PTPRH: variants seen among roughly 807,000 people sequenced by gnomAD.
PTPRH encodes the protein receptor-type tyrosine-protein phosphatase H.
Under a neutral mutation model 130.2 loss-of-function variants are expected in PTPRH, and 113 were observed. The ratio of observed to expected loss-of-function variants is 0.87; its 90% CI spans 0.75 to 1.01. The LOEUF (loss-of-function observed/expected upper bound fraction) is 1.01, where lower values mean the gene tolerates loss of function less well. PTPRH is among the 50% of genes least tolerant of loss of function. PTPRH has a pLI of 0.00. For missense variants in PTPRH, 1,430 were observed against 1,425.0 expected, an observed-to-expected ratio of 1.00 and a Z score of -0.06; for synonymous variants, 556 against 577.9, an observed-to-expected ratio of 0.96 and a Z score of 0.54.
intron 10 of PTPRH, among the ~76,000 whole-genome samples, chr19:55,193,838 C>CT (rs77529845): frequency 2.7e-3 from 392 of 145,850 alleles, no homozygotes; most frequent in Non-Finnish European, 4.5e-3. Flanking sequence ...CTGGTGGTGT[C>CT]TTTTTTTTTT....
intron 5 of PTPRH, 33 bp downstream of exon 5, chr19:55,203,749 A>G (rs570471863): frequency 8.4e-5 from 132 of 1,578,256 alleles, no homozygotes; most frequent in Non-Finnish European, 1.1e-4. Context: ...TCCTTATAAA[A>G]GAAATAAAAA....
At chr19:55,198,182 C>T (rs1243536979) in intron 8 of PTPRH, among the ~76,000 whole-genome samples, 1 of 152,184 alleles carries the variant, frequency 6.6e-6, no homozygotes, top group East Asian at 1.9e-4. Context: ...CACTACTGCA[C>T]TCCAGCCTGG....
chr19:55,192,621 G>A lies in PTPRH; in HGVS notation c.2258-880C>T, dbSNP rs373288170. 5.3e-5 allele frequency among the ~76,000 whole-genome samples: 8 copies of A among 150,226 alleles called. No individual in the cohort carries two copies. The South Asian group carries it at 1.3e-3, about 24-fold the overall frequency. The stretch of plus-strand genomic sequence containing the variant: ...GGCTGCAGTGCAGTGGTGCGACCTC[G>A]GCTCACTGCAACCTCTGCCTCCCGG... On this transcript the variant is annotated intron_variant, in intron 10 of 19. Coordinates refer to ENST00000376350, the MANE Select transcript of PTPRH (RefSeq NM_002842.5).
intron 5 of PTPRH, among the ~76,000 whole-genome samples, chr19:55,202,789 A>C (rs916204620): frequency 1.3e-5 from 2 of 152,206 alleles, no homozygotes; most frequent in African/African-American, 4.8e-5. Flanking sequence ...CTGTAATCCC[A>C]GCACTTTGGG....
chr19:55,203,725 A>G (rs1600072583), intron 5 of PTPRH, 57 bp downstream of exon 5: 1 of 1,520,906 alleles, frequency 6.6e-7, no homozygotes, highest in Admixed American at 2.0e-5. Context: ...GCTCCCAACC[A>G]CCCCCTACCA....
At chr19:55,205,231 G>A in intron 4 of PTPRH, 95 bp downstream of exon 4, 1 of 1,556,652 alleles carries the variant, frequency 6.4e-7, no homozygotes, top group African/African-American at 1.4e-5. Context: ...GGCTCAATGT[G>A]GCCCAGAGGG....
chr19:55,196,973 T>A, intron 9 of PTPRH, 144 bp downstream of exon 9: 1 of 1,198,034 alleles, frequency 8.3e-7, no homozygotes, highest in East Asian at 2.5e-5. Flanking sequence ...ACAACTCCCA[T>A]GAGGCCTTGG....
Position 55,203,941 on chromosome 19 carries a change from C to T in PTPRH, c.727G>A (p.Val243Ile), listed in dbSNP as rs45535035. The change falls in exon 5 of 20, where the codon GTT becomes ATT. Residue 243 changes from valine (V) to isoleucine (I), a missense_variant. Physicochemically the swap from Val to Ile is conservative, Grantham distance 29 (BLOSUM62 3). Transcript: ENST00000376350. ...CTGCCACCATCTCCAGTGCACTGAA[C>T]GCAGTAGGTCGAGTTCTGTGGGTCT... is the stretch of plus-strand genomic sequence containing the variant. ...GTDPQNSTYC[V>I]QCTGDGGRTE... 265,474 of 1,613,710 alleles carry T rather than the reference C, an allele frequency of 0.16. 22,814 individuals are homozygous for T. The highest frequency in any genetic ancestry group is 0.18 in the Non-Finnish European group (209,782 of 1,179,738).
At chr19:55,203,637 G>T in intron 5 of PTPRH, 145 bp downstream of exon 5, 3 of 977,434 alleles carry the variant, frequency 3.1e-6, no homozygotes, top group Non-Finnish European at 4.3e-6. Context: ...TTTTTATGTG[G>T]CTGATAGAAA....
At chr19:55,195,062 T>A (rs939831894) in intron 10 of PTPRH, among the ~76,000 whole-genome samples, 1 of 152,120 alleles carries the variant, frequency 6.6e-6, no homozygotes, top group African/African-American at 2.4e-5. Context: ...TGGTGGCTCA[T>A]GCCTGTAATC....
intron 17 of PTPRH, 76 bp from the exon 18 acceptor site, chr19:55,185,738 C>G: frequency 1.9e-6 from 3 of 1,594,928 alleles, no homozygotes; most frequent in Non-Finnish European, 2.6e-6. Context: ...GGAGCGGGTT[C>G]CCTGGGGCAC....
chr19:55,191,761 G>A lies in PTPRH; in HGVS notation c.2258-20C>T, dbSNP rs370166187. Reference sequence around the variant, plus strand: ...TGACCCCTGTGGGGAGGAGGCATCGGGAACCCTCAGAGCGCAGGTCTGAGC... The same window carrying A: ...TGACCCCTGTGGGGAGGAGGCATCGAGAACCCTCAGAGCGCAGGTCTGAGC... On this transcript the variant is annotated intron_variant, in intron 10 of 19. Coordinates refer to ENST00000376350, the MANE Select transcript of PTPRH (RefSeq NM_002842.5). 112 of 1,601,688 alleles carry A rather than the reference G, an allele frequency of 7.0e-5. 1 individual carries two copies. In the African/African-American group the frequency reaches 1.2e-3, roughly 17 times the overall value.
At chr19:55,201,924 C>T (rs942729264) in intron 6 of PTPRH, 132 bp downstream of exon 6, 24 of 1,388,006 alleles carry the variant, frequency 1.7e-5, no homozygotes, top group African/African-American at 5.8e-5. Context: ...GCTGAGACTG[C>T]CCCAGGATGT....
chr19:55,183,726 C>G (rs2086242068), intron 18 of PTPRH, among the ~76,000 whole-genome samples: 2 of 150,074 alleles, frequency 1.3e-5, no homozygotes, highest in South Asian at 4.2e-4. Flanking sequence ...TCTGTCTCCA[C>G]AAAAAAAAAT....
rs2087005360 is a variant in PTPRH at position 55,205,195 on chromosome 19, G to C, written c.619+131C>G. The C allele has an allele frequency of 2.2e-6, 3 of 1,394,616 alleles. No individual in the cohort carries two copies. The South Asian group carries it at 4.1e-5, about 19-fold the overall frequency. The allele number at this position is 1,394,616 out of a possible 1,614,324, so 86.4% of individuals were successfully genotyped here. The stretch of plus-strand genomic sequence containing the variant: ...CTTCTTCATCTCCTGAGCTGAGACT[G>C]CCCCAGGATGTGGACATGAGTACCT... On this transcript the variant is annotated intron_variant, in intron 4 of 19. Coordinates refer to ENST00000376350, the MANE Select transcript of PTPRH (RefSeq NM_002842.5).
At chr19:55,184,199 G>T (rs1266671022) in intron 18 of PTPRH, among the ~76,000 whole-genome samples, 1 of 151,982 alleles carries the variant, frequency 6.6e-6, no homozygotes, top group African/African-American at 2.4e-5. Flanking sequence ...CAGGAGAATT[G>T]CTTGAACCCA....
intron 12 of PTPRH, among the ~76,000 whole-genome samples, 178 bp downstream of exon 12, chr19:55,191,323 C>A (rs2086527957): frequency 6.6e-6 from 1 of 152,160 alleles, no homozygotes; most frequent in African/African-American, 2.4e-5. Flanking sequence ...CTGGCCCAGG[C>A]TGCTTGGGGA....
rs1772056765 is a variant in PTPRH, at chr19:55,181,395, G to T, written c.*359C>A. 4.6e-6 allele frequency: 1 copy of T among 218,394 alleles called. No individual in the cohort carries two copies. The allele number at this position is 218,394 out of a possible 1,614,324, so 13.5% of individuals were successfully genotyped here. ...GGTTTCTGAAGTAAAATCAAGGCAG[G>T]ATCCTTCCTGCCTTTGGTCCTCAAG... is the stretch of plus-strand genomic sequence containing the variant. On this transcript the variant is annotated 3_prime_UTR_variant, in exon 20 of 20. Coordinates refer to ENST00000376350, the MANE Select transcript of PTPRH (RefSeq NM_002842.5).
At position 55,190,001 on chromosome 19, in the gene PTPRH, T is replaced by G. The variant is rs185637632; in HGVS notation, c.2384+1500A>C. On this transcript the variant is annotated intron_variant, in intron 12 of 19. Coordinates refer to ENST00000376350, the MANE Select transcript of PTPRH (RefSeq NM_002842.5). Reference sequence around the variant, plus strand: ...AGAGTGAGACCCTGTCTTGACAAATTAATAAATAAAATAAAATAAAATAAA... The same window carrying G: ...AGAGTGAGACCCTGTCTTGACAAATGAATAAATAAAATAAAATAAAATAAA... 8.2e-3 allele frequency among the ~76,000 whole-genome samples: 1,247 copies of G among 151,508 alleles called. 11 individuals are homozygous for G. The highest frequency in any genetic ancestry group is 0.027 in the African/African-American group (1,109 of 41,090).
Sources: gnomAD v4.1 joint callset for allele counts (sites outside exome capture counted in the v4.1 genomes callset) on GRCh38, gnomAD v4.1.1 for gene constraint, MANE v1.5 for transcripts, NCBI Gene and HGNC (gene_info 2026-07-23, HGNC 2026-07-21) for gene names.